CA10: variants seen among roughly 807,000 people sequenced by gnomAD.
CA10 encodes the protein carbonic anhydrase 10 (inactive), also known as carbonic anhydrase-related protein 10.
A neutral mutation model predicts 44.2 loss-of-function variants in CA10; 14 were observed. The ratio of observed to expected loss-of-function variants is 0.32; its 90% CI spans 0.21 to 0.50. CA10 has a LOEUF of 0.50. Among genes scored for constraint, CA10 ranks in the 20% least tolerant of loss-of-function variants. CA10 has a pLI of 0.99. For missense variants in CA10, 350 were observed against 409.7 expected (o/e 0.85, Z 1.26); for synonymous variants, 159 against 141.6 (o/e 1.12, Z -0.87).
intron 4 of CA10, among the ~76,000 whole-genome samples, chr17:51,662,802 C>T (rs542512260): frequency 6.6e-6 from 1 of 152,214 alleles, no homozygotes; most frequent in African/African-American, 2.4e-5. Context: ...AGAAGATCCC[C>T]AAATGTGGTC....
intron 3 of CA10, among the ~76,000 whole-genome samples, chr17:51,883,985 A>G (rs1598099060): frequency 6.6e-6 from 1 of 152,180 alleles, no homozygotes; most frequent in East Asian, 1.9e-4. Context: ...GCAAAATGAT[A>G]AAGGATAACT....
At chr17:52,120,921 C>A (rs1441378802) in intron 1 of CA10, among the ~76,000 whole-genome samples, 1 of 152,186 alleles carries the variant, frequency 6.6e-6, no homozygotes, top group Non-Finnish European at 1.5e-5. Flanking sequence ...TGTTGTGAGA[C>A]AAGGACCTGG....
chr17:52,086,033 TGATTC>T (rs1381437223), intron 1 of CA10, among the ~76,000 whole-genome samples: 1 of 152,238 alleles, frequency 6.6e-6, no homozygotes, highest in Admixed American at 6.5e-5. Flanking sequence ...CAATTCGATA[TGATTC>T]AATTCAATCA....
intron 1 of CA10, among the ~76,000 whole-genome samples, chr17:52,074,771 A>G (rs1987774482): frequency 6.6e-6 from 1 of 152,198 alleles, no homozygotes; most frequent in Admixed American, 6.5e-5. Flanking sequence ...TGAGTATGAT[A>G]CACTAGAACA....
At position 51,992,065 on chromosome 17, in the gene CA10, A is replaced by G. The variant is rs140145728; in HGVS notation, c.137-60933T>C. ...CACTCAATTTTTCATGAATGTTGAC[A>G]TTCGTTATATTATTTTGGTTCTGGT... On this transcript the variant is annotated intron_variant, in intron 2 of 8. Coordinates refer to ENST00000451037, the MANE Select transcript of CA10 (RefSeq NM_020178.5). 3.0e-3 allele frequency among the ~76,000 whole-genome samples: 456 copies of G among 151,996 alleles called. 1 individual carries two copies. Among genetic ancestry groups the G allele is most frequent in the African/African-American group, 0.01 (434 of 41,476 alleles).
intron 4 of CA10, among the ~76,000 whole-genome samples, chr17:51,654,615 G>A (rs1228865477): frequency 6.6e-6 from 1 of 151,496 alleles, no homozygotes; most frequent in Non-Finnish European, 1.5e-5. Context: ...GGAGTGCAGT[G>A]GCGCGATTTC....
At chr17:51,870,841 G>A (rs1334056098) in intron 3 of CA10, among the ~76,000 whole-genome samples, 1 of 152,020 alleles carries the variant, frequency 6.6e-6, no homozygotes, top group Non-Finnish European at 1.5e-5. Context: ...AAATACAGGG[G>A]GTGGTGGGAT....
chr17:51,773,992 T>A (rs867799166), intron 3 of CA10, among the ~76,000 whole-genome samples: 3 of 152,200 alleles, frequency 2.0e-5, no homozygotes, highest in African/African-American at 7.2e-5. Flanking sequence ...TCCCAGCACA[T>A]TTCAAAGCAC....
intron 4 of CA10, among the ~76,000 whole-genome samples, chr17:51,717,193 A>C (rs1470978464): frequency 6.6e-6 from 1 of 152,020 alleles, no homozygotes; most frequent in African/African-American, 2.4e-5. Flanking sequence ...CTGTAGACAG[A>C]GGTGCTAGAA....
chr17:52,091,329 C>T (rs1988259420), intron 1 of CA10, among the ~76,000 whole-genome samples: 1 of 152,028 alleles, frequency 6.6e-6, no homozygotes, highest in Admixed American at 6.6e-5. Context: ...CAAAACCTCC[C>T]ACTGTGTGCT....
chr17:51,877,986 T>C (rs1980155331), intron 3 of CA10, among the ~76,000 whole-genome samples: 1 of 150,572 alleles, frequency 6.6e-6, no homozygotes, highest in African/African-American at 2.4e-5. Flanking sequence ...CTACTAAAAA[T>C]ACAAAAAATT....
At chr17:52,026,485 C>T (rs1385603090) in intron 2 of CA10, among the ~76,000 whole-genome samples, 1 of 152,076 alleles carries the variant, frequency 6.6e-6, no homozygotes, top group African/African-American at 2.4e-5. Context: ...AGCAGCGGTT[C>T]CCAACTGTAT....
chr17:51,929,149 G>T (rs781750299), intron 3 of CA10, among the ~76,000 whole-genome samples: 3 of 152,096 alleles, frequency 2.0e-5, no homozygotes, highest in African/African-American at 7.2e-5. Flanking sequence ...GTCATAACAT[G>T]TGAGTGATTT....
intron 2 of CA10, among the ~76,000 whole-genome samples, chr17:52,071,288 T>C (rs1191859750): frequency 6.6e-6 from 1 of 152,238 alleles, no homozygotes; most frequent in African/African-American, 2.4e-5. Flanking sequence ...GGCTTTTTCC[T>C]GGGTCACCCA....
Position 51,831,724 on chromosome 17 carries a change from CAGCAGCAGA to C in CA10, c.280-83915_280-83907del, listed in dbSNP as rs1567854659. On this transcript the variant is annotated intron_variant, in intron 3 of 8. Transcript: ENST00000451037. ...GCAGCAGCAGCAGCAGCAGCAGCAG[CAGCAGCAGA>C]AAAAGACCTTCCTTCCACCTTATTT... Among the ~76,000 whole-genome samples the C allele has an allele frequency of 6.0e-5, 7 of 116,368 alleles. 1 individual carries two copies. The highest frequency in any genetic ancestry group is 2.7e-4 in the South Asian group (1 of 3,690). The allele number at this position is 116,368 out of a possible 152,430, so 76.3% of individuals were successfully genotyped here.
intron 1 of CA10, 134 bp downstream of exon 1, chr17:52,157,592 G>A: frequency 1.5e-6 from 1 of 682,036 alleles, no homozygotes; most frequent in Admixed American, 2.5e-5. Context: ...TGATTCTGAA[G>A]GCGGCAAACC....
At chr17:52,035,911 C>T (rs1265906606) in intron 2 of CA10, among the ~76,000 whole-genome samples, 1 of 152,202 alleles carries the variant, frequency 6.6e-6, no homozygotes. Flanking sequence ...CATAGAAAAA[C>T]AGGCCTTGGG....
chr17:52,019,299 T>C (rs1248261749), intron 2 of CA10, among the ~76,000 whole-genome samples: 3 of 152,114 alleles, frequency 2.0e-5, no homozygotes, highest in African/African-American at 7.2e-5. Flanking sequence ...GAACAAAACG[T>C]TAGTTGTGAA....
intron 3 of CA10, among the ~76,000 whole-genome samples, chr17:51,871,674 C>A (rs1432446771): frequency 6.6e-6 from 1 of 151,992 alleles, no homozygotes; most frequent in Admixed American, 6.6e-5. Context: ...TGTGAGCCAC[C>A]ATGCCAGCCC....
Sources: gnomAD v4.1 joint callset for allele counts (sites outside exome capture counted in the v4.1 genomes callset) on GRCh38, gnomAD v4.1.1 for gene constraint, MANE v1.5 for transcripts, NCBI Gene and HGNC (gene_info 2026-07-23, HGNC 2026-07-21) for gene names.